GTF2A1: variants seen among roughly 807,000 people sequenced by gnomAD.
The protein encoded by GTF2A1 is general transcription factor IIA subunit 1.
In GTF2A1, 12 loss-of-function variants were observed where a neutral mutation model predicts 54.1. The ratio of observed to expected loss-of-function variants is 0.22; its 90% CI spans 0.14 to 0.36. The LOEUF (loss-of-function observed/expected upper bound fraction) is 0.36, where lower values mean the gene tolerates loss of function less well. Ranked by LOEUF, GTF2A1 falls within the 10% of genes least tolerant of loss-of-function variation. The pLI is 1.00. For synonymous variants in GTF2A1, 145 were observed against 152.0 expected, an observed-to-expected ratio of 0.95 and a Z score of 0.34; for missense variants, 335 against 442.2, an observed-to-expected ratio of 0.76 and a Z score of 2.17.
intron 6 of GTF2A1, among the ~76,000 whole-genome samples, chr14:81,195,492 T>C (rs1031861654): frequency 2.4e-4 from 36 of 149,572 alleles, no homozygotes; most frequent in African/African-American, 8.6e-4. Context: ...GTTAGCCAAG[T>C]GTGGTGGTGG....
chr14:81,182,396 T>C (rs189728871), intron 8 of GTF2A1, among the ~76,000 whole-genome samples: 16 of 152,342 alleles, frequency 1.1e-4, no homozygotes, highest in African/African-American at 3.8e-4. Context: ...TCTGAACTGA[T>C]GGTATCACCA....
At chr14:81,190,757 TCAC>T (rs1206777968) in intron 7 of GTF2A1, among the ~76,000 whole-genome samples, 1 of 152,114 alleles carries the variant, frequency 6.6e-6, no homozygotes, top group African/African-American at 2.4e-5. Flanking sequence ...GTGCCTGCTA[TCAC>T]CACTTCTAAT....
At chr14:81,205,060 C>G (rs958874565) in intron 2 of GTF2A1, among the ~76,000 whole-genome samples, 1 of 152,200 alleles carries the variant, frequency 6.6e-6, no homozygotes, top group Non-Finnish European at 1.5e-5. Context: ...CCTGAAGCTT[C>G]TATCAGATCC....
chr14:81,191,537 C>A (rs1892876734), intron 7 of GTF2A1, among the ~76,000 whole-genome samples: 2 of 152,040 alleles, frequency 1.3e-5, no homozygotes, highest in South Asian at 2.1e-4. Flanking sequence ...GGGGAAAAAA[C>A]CAACTTGCAG....
At chr14:81,216,370 G>C (rs747463635) in intron 2 of GTF2A1, 43 bp downstream of exon 2, 3 of 840,064 alleles carry the variant, frequency 3.6e-6, no homozygotes, top group Non-Finnish European at 6.1e-6. Flanking sequence ...AAAATGTTTT[G>C]TGGGGGAAAA....
rs539735379 is a variant in GTF2A1 at position 81,176,761 on chromosome 14, G to A, written c.*3462C>T. 2 of 151,958 alleles carry A rather than the reference G, an allele frequency of 1.3e-5. No homozygotes were observed. The highest frequency in any genetic ancestry group is 2.9e-5 in the Non-Finnish European group (2 of 67,936). The allele number at this position is 151,958 out of a possible 1,614,324, so 9.4% of individuals were successfully genotyped here. On this transcript the variant is annotated 3_prime_UTR_variant, in exon 9 of 9. Coordinates refer to ENST00000553612, the MANE Select transcript of GTF2A1 (RefSeq NM_015859.4). ...ATAGCTGATTCTGACAGGTAGGTGA[G>A]AGAAAGACATGAAATAAAATGAAAA...
At chr14:81,217,338 T>C (rs1893509028) in intron 1 of GTF2A1, among the ~76,000 whole-genome samples, 1 of 152,220 alleles carries the variant, frequency 6.6e-6, no homozygotes, top group African/African-American at 2.4e-5. Context: ...GATAGAACAA[T>C]TAGCCCAATC....
rs990842310 is a variant in GTF2A1, at chr14:81,177,077, A to G, written c.*3146T>C. The G allele has an allele frequency of 6.6e-6, 1 of 152,096 alleles. No homozygotes were observed. The highest frequency in any genetic ancestry group is 2.4e-5 in the African/African-American group (1 of 41,462). The allele number at this position is 152,096 out of a possible 1,614,324, so 9.4% of individuals were successfully genotyped here. A position where few individuals can be genotyped will look rare whatever the true frequency, so the allele number is the denominator to read the frequency against. The stretch of plus-strand genomic sequence containing the variant: ...AGGAAAAAAAAAATCTGTGACTTTC[A>G]TTATAGCAAAAGAAAATATTCATAT... On this transcript the variant is annotated 3_prime_UTR_variant, in exon 9 of 9. Coordinates refer to ENST00000553612, the MANE Select transcript of GTF2A1 (RefSeq NM_015859.4).
At chr14:81,197,579 G>A in intron 4 of GTF2A1, 95 bp from the exon 5 acceptor site, 1 of 680,674 alleles carries the variant, frequency 1.5e-6, no homozygotes, top group Non-Finnish European at 2.4e-6. Flanking sequence ...TTTTTGTTTA[G>A]AATATACCAA....
At chr14:81,217,946 T>C (rs956846382) in intron 1 of GTF2A1, among the ~76,000 whole-genome samples, 4 of 152,234 alleles carry the variant, frequency 2.6e-5, no homozygotes, top group African/African-American at 9.6e-5. Flanking sequence ...CAAATCCGCC[T>C]CTTGAAGTTT....
rs568256024 is a variant in GTF2A1, at chr14:81,218,953, G to A, written c.30+1536C>T. Among the ~76,000 whole-genome samples the A allele has an allele frequency of 5.9e-5, 9 of 151,562 alleles. No individual in the cohort carries two copies. The East Asian group carries it at 1.7e-3, about 29-fold the overall frequency. On this transcript the variant is annotated intron_variant, in intron 1 of 8. Transcript: ENST00000553612. ...ATAGGAAAACATAATGAAATATTAGGAGCTATATTTCTAACATTATTTCCT... is the reference window on the plus strand; with the variant it reads ...ATAGGAAAACATAATGAAATATTAGAAGCTATATTTCTAACATTATTTCCT...
intron 5 of GTF2A1, among the ~76,000 whole-genome samples, chr14:81,196,612 A>C (rs888725333): frequency 6.6e-6 from 1 of 152,232 alleles, no homozygotes; most frequent in African/African-American, 2.4e-5. Flanking sequence ...AAAGCTTTAA[A>C]GGAACAAAAG....
intron 4 of GTF2A1, among the ~76,000 whole-genome samples, chr14:81,201,047 G>A (rs920846816): frequency 1.3e-5 from 2 of 152,096 alleles, no homozygotes; most frequent in African/African-American, 4.8e-5. Flanking sequence ...GACTTGTAAA[G>A]TTTAGTGGAT....
chr14:81,207,324 G>A (rs1893259444), intron 2 of GTF2A1, among the ~76,000 whole-genome samples: 1 of 152,102 alleles, frequency 6.6e-6, no homozygotes, highest in Non-Finnish European at 1.5e-5. Context: ...CAGGAGATCT[G>A]ATGGGTTTAT....
intron 8 of GTF2A1, among the ~76,000 whole-genome samples, chr14:81,182,038 C>T (rs1174483088): frequency 1.3e-5 from 2 of 152,004 alleles, no homozygotes; most frequent in Non-Finnish European, 2.9e-5. Context: ...TCAGAGTTTA[C>T]CCTTACGGAA....
intron 4 of GTF2A1, among the ~76,000 whole-genome samples, chr14:81,200,485 G>C (rs1010506253): frequency 6.6e-6 from 1 of 151,982 alleles, no homozygotes. Context: ...AAATTAGCCA[G>C]GTGTGGTGAC....
chr14:81,216,326 T>C (rs543946932), intron 2 of GTF2A1, 87 bp downstream of exon 2: 10 of 674,378 alleles, frequency 1.5e-5, no homozygotes, highest in South Asian at 1.4e-4. Context: ...ACGTTCATCC[T>C]ATAGAAAAAT....
intron 2 of GTF2A1, among the ~76,000 whole-genome samples, chr14:81,204,724 A>G (rs991718291): frequency 6.6e-6 from 1 of 152,148 alleles, no homozygotes; most frequent in African/African-American, 2.4e-5. Context: ...TTCTTCCATT[A>G]CGCCAATTGA....
rs193022944 is a variant in GTF2A1, at chr14:81,176,643, C to T, written c.*3580G>A. On this transcript the variant is annotated 3_prime_UTR_variant, in exon 9 of 9. Coordinates refer to ENST00000553612, the MANE Select transcript of GTF2A1 (RefSeq NM_015859.4). ...ATAAACTTCGTAATAATTTTCATAG[C>T]ATAATAGAGGACTAAAATGCAAAGC... The T allele has an allele frequency of 1.3e-5, 2 of 152,130 alleles. No homozygotes were observed. The highest frequency in any genetic ancestry group is 2.9e-5 in the Non-Finnish European group (2 of 67,940). 9.4% of individuals were successfully genotyped at this position (152,130 alleles called of 1,614,324 possible).
Sources: gnomAD v4.1 joint callset for allele counts (sites outside exome capture counted in the v4.1 genomes callset) on GRCh38, gnomAD v4.1.1 for gene constraint, MANE v1.5 for transcripts, NCBI Gene and HGNC (gene_info 2026-07-23, HGNC 2026-07-21) for gene names.